Variants in DPF3 observed in about 807,000 individuals in gnomAD.
DPF3 encodes double PHD fingers 3.
In DPF3, 18 loss-of-function variants were observed where a neutral mutation model predicts 56.8. The observed-to-expected ratio is 0.32, with a 90% CI of 0.22 to 0.47. The LOEUF is 0.47. DPF3 is among the 20% of genes least tolerant of loss of function. DPF3 has a pLI of 1.00. For missense variants in DPF3, 403 were observed against 488.8 expected, an observed-to-expected ratio of 0.82 and a Z score of 1.65; for synonymous variants, 188 against 180.2, an observed-to-expected ratio of 1.04 and a Z score of -0.35.
chr14:72,669,478 TC>T (rs575367368), intron 8 of DPF3, among the ~76,000 whole-genome samples: 1 of 152,256 alleles, frequency 6.6e-6, no homozygotes, highest in South Asian at 2.1e-4. Flanking sequence ...TTTGGACTCA[TC>T]CCCTTGGTTT....
intron 1 of DPF3, among the ~76,000 whole-genome samples, chr14:72,776,389 G>T (rs1041676391): frequency 2.0e-5 from 3 of 152,140 alleles, no homozygotes; most frequent in Non-Finnish European, 4.4e-5. Flanking sequence ...AGGGGGCTTT[G>T]TGAGTGATGG....
At chr14:72,682,074 T>A (rs1352154410) in intron 7 of DPF3, among the ~76,000 whole-genome samples, 1 of 151,938 alleles carries the variant, frequency 6.6e-6, no homozygotes, top group Non-Finnish European at 1.5e-5. Context: ...ATTAGCCAGG[T>A]GTGGTGGCAC....
At chr14:72,733,716 G>A (rs957304101) in intron 3 of DPF3, among the ~76,000 whole-genome samples, 2 of 152,038 alleles carry the variant, frequency 1.3e-5, no homozygotes, top group Admixed American at 1.3e-4. Flanking sequence ...ATCTGGAGGG[G>A]CAAATGGAAA....
chr14:72,839,656 A>G (rs534025549), intron 1 of DPF3, among the ~76,000 whole-genome samples: 3 of 152,312 alleles, frequency 2.0e-5, no homozygotes, highest in African/African-American at 7.2e-5. Context: ...TTTGCTGTGC[A>G]GCCCCACTCT....
At chr14:72,890,390 C>T (rs1224978814) in intron 1 of DPF3, among the ~76,000 whole-genome samples, 1 of 151,846 alleles carries the variant, frequency 6.6e-6, no homozygotes, top group East Asian at 1.9e-4. Flanking sequence ...ACTCTGGAGG[C>T]TAAGGCACAA....
chr14:72,688,670 C>G (rs1887539725), intron 7 of DPF3, among the ~76,000 whole-genome samples: 1 of 152,200 alleles, frequency 6.6e-6, no homozygotes, highest in Non-Finnish European at 1.5e-5. Context: ...CCCAGCTGCC[C>G]TCCCTTCATT....
chr14:72,766,999 A>G (rs916813087), intron 2 of DPF3, among the ~76,000 whole-genome samples: 2 of 152,140 alleles, frequency 1.3e-5, no homozygotes, highest in African/African-American at 4.8e-5. Context: ...TCCTCCTCCC[A>G]AGTAGGATAA....
chr14:72,706,120 T>C (rs1057131327), intron 6 of DPF3, among the ~76,000 whole-genome samples: 2 of 152,196 alleles, frequency 1.3e-5, no homozygotes, highest in African/African-American at 4.8e-5. Flanking sequence ...AGAGTTAATA[T>C]AGATGAAGCC....
chr14:72,767,158 C>T (rs1375074213), intron 2 of DPF3, among the ~76,000 whole-genome samples: 1 of 152,182 alleles, frequency 6.6e-6, no homozygotes, highest in Non-Finnish European at 1.5e-5. Flanking sequence ...GGGAGCCTCG[C>T]CTCCCCTACT....
intron 9 of DPF3, among the ~76,000 whole-genome samples, chr14:72,628,452 A>G (rs1040457213): frequency 1.3e-5 from 2 of 152,194 alleles, no homozygotes; most frequent in Non-Finnish European, 2.9e-5. Flanking sequence ...TCTTCCTGGA[A>G]TTACTCCAGC....
At chr14:72,848,439 A>G (rs961415915) in intron 1 of DPF3, among the ~76,000 whole-genome samples, 1 of 152,212 alleles carries the variant, frequency 6.6e-6, no homozygotes, top group Admixed American at 6.5e-5. Flanking sequence ...TGCTGAGATT[A>G]TAGGCATGAG....
intron 3 of DPF3, among the ~76,000 whole-genome samples, chr14:72,732,783 T>C (rs1252277435): frequency 6.6e-6 from 1 of 152,184 alleles, no homozygotes; most frequent in African/African-American, 2.4e-5. Context: ...ACTCCTGACC[T>C]GACAGAGGGT....
rs375028752 is a variant in DPF3, at chr14:72,810,195, G to A, written c.33-38302C>T. On this transcript the variant is annotated intron_variant, in intron 1 of 10. Transcript: ENST00000556509. Reference sequence around the variant, plus strand: ...GGCAGCGGAGTGCTGAGACACCTCCGTGCCCTCCCACAACATCCCAGTGCT... The same window carrying A: ...GGCAGCGGAGTGCTGAGACACCTCCATGCCCTCCCACAACATCCCAGTGCT... Among the ~76,000 whole-genome samples, 14 of 152,276 alleles carry A rather than the reference G, an allele frequency of 9.2e-5. No individual in the cohort carries two copies. In the East Asian group the frequency reaches 2.1e-3, roughly 23 times the overall value.
intron 8 of DPF3, among the ~76,000 whole-genome samples, chr14:72,639,038 C>A (rs1218411267): frequency 2.6e-5 from 4 of 152,120 alleles, no homozygotes; most frequent in Non-Finnish European, 4.4e-5. Flanking sequence ...AGGATGGTCT[C>A]GATCTCCTAA....
rs1555500471 is a variant in DPF3, at chr14:72,724,715, T to TTG, written c.430-988_430-987insCA. Among the ~76,000 whole-genome samples, 187 of 149,416 alleles carry TTG rather than the reference T, an allele frequency of 1.3e-3. 1 individual carries two copies. The highest frequency in any genetic ancestry group is 6.7e-3 in the East Asian group (34 of 5,098). On this transcript the variant is annotated intron_variant, in intron 4 of 10. Coordinates refer to ENST00000556509, the MANE Select transcript of DPF3 (RefSeq NM_001280542.3). ...GGCCCAGAGGGGTTTTTGTTTGTTT[T>TTG]TTTTTTTTTCTGAGACAGGGACTCA... is the stretch of plus-strand genomic sequence containing the variant.
chr14:72,763,224 C>G (rs1397409462), intron 2 of DPF3, among the ~76,000 whole-genome samples: 3 of 151,962 alleles, frequency 2.0e-5, no homozygotes, highest in Non-Finnish European at 4.4e-5. Flanking sequence ...AACTCCTAGC[C>G]AGTTTTTTGT....
intron 7 of DPF3, among the ~76,000 whole-genome samples, chr14:72,691,601 C>T (rs1315937838): frequency 1.3e-5 from 2 of 152,024 alleles, no homozygotes; most frequent in Non-Finnish European, 2.9e-5. Flanking sequence ...GTGATGAGTG[C>T]CTATAGTCCC....
intron 5 of DPF3, 42 bp downstream of exon 5, chr14:72,723,591 C>G: frequency 9.3e-4 from 1,321 of 1,414,540 alleles, no homozygotes; most frequent in Non-Finnish European, 1.2e-3. Context: ...GGCACCCCAG[C>G]CTCCCTCATC....
chr14:72,729,745 G>A (rs766604673), intron 4 of DPF3, among the ~76,000 whole-genome samples: 19 of 152,290 alleles, frequency 1.2e-4, no homozygotes, highest in African/African-American at 2.2e-4. Context: ...ACGGGGAAAC[G>A]GCCAGTGGTT....
Sources: gnomAD v4.1 joint callset for allele counts (sites outside exome capture counted in the v4.1 genomes callset) on GRCh38, gnomAD v4.1.1 for gene constraint, MANE v1.5 for transcripts, NCBI Gene and HGNC (gene_info 2026-07-23, HGNC 2026-07-21) for gene names.